The following KIAA0319 variants were observed in gnomAD, a reference collection of about 807,000 sequenced individuals.
The protein encoded by KIAA0319 is dyslexia-associated protein KIAA0319.
A neutral mutation model predicts 108.4 loss-of-function variants in KIAA0319; 83 were observed. The observed-to-expected ratio is 0.77, with a 90% CI of 0.64 to 0.92. The LOEUF is 0.92. Among genes scored for constraint, KIAA0319 ranks in the 40% least tolerant of loss-of-function variants. The pLI, the probability that KIAA0319 is intolerant of heterozygous loss-of-function variation, is 0.00. For missense variants in KIAA0319, 1,195 were observed against 1,322.4 expected, an observed-to-expected ratio of 0.90 and a Z score of 1.49; for synonymous variants, 484 against 510.4, an observed-to-expected ratio of 0.95 and a Z score of 0.70.
At chr6:24,577,626 T>G (rs1765733011) in intron 9 of KIAA0319, among the ~76,000 whole-genome samples, 1 of 152,200 alleles carries the variant, frequency 6.6e-6, no homozygotes, top group Non-Finnish European at 1.5e-5. Context: ...AGGCCTTCCT[T>G]GCAGGGAAAA....
intron 3 of KIAA0319, among the ~76,000 whole-genome samples, chr6:24,594,642 C>CA (rs1554164544): frequency 0.024 from 1,324 of 54,394 alleles, 18 homozygotes; most frequent in Admixed American, 0.037. Context: ...AAAAAAACAA[C>CA]AAAAAAAAAA....
At chr6:24,609,347 G>A (rs140907614) in intron 1 of KIAA0319, among the ~76,000 whole-genome samples, 4,592 of 151,078 alleles carry the variant, frequency 0.03, 96 homozygotes, top group Middle Eastern at 0.056. Flanking sequence ...GGGAGCCCGA[G>A]GCAGGCAGAT....
At chr6:24,553,779 G>A (rs144193608) in intron 19 of KIAA0319, among the ~76,000 whole-genome samples, 89 of 152,278 alleles carry the variant, frequency 5.8e-4, no homozygotes, top group African/African-American at 2.0e-3. Context: ...GACCCAAGAC[G>A]ACAGGGTTCA....
intron 1 of KIAA0319, among the ~76,000 whole-genome samples, chr6:24,603,750 C>T (rs1458084534): frequency 6.6e-6 from 1 of 152,184 alleles, no homozygotes; most frequent in Non-Finnish European, 1.5e-5. Flanking sequence ...CCAGAAAGGA[C>T]AAGGAGCCTG....
intron 20 of KIAA0319, among the ~76,000 whole-genome samples, chr6:24,548,858 T>G (rs1277656596): frequency 2.0e-5 from 3 of 152,102 alleles, no homozygotes; most frequent in Non-Finnish European, 4.4e-5. Context: ...TCTGAGACAT[T>G]AATAAAACCA....
chr6:24,587,995 A>G (rs1271746058), intron 4 of KIAA0319, among the ~76,000 whole-genome samples: 2 of 152,232 alleles, frequency 1.3e-5, no homozygotes, highest in Non-Finnish European at 2.9e-5. Context: ...CACAAAATAC[A>G]TGATCTTTCC....
intron 2 of KIAA0319, chr6:24,597,917 C>CGAAAAAAAAAAA (rs1769918231): frequency 3.1e-5 from 1 of 32,434 alleles, no homozygotes; most frequent in Middle Eastern, 0.025. Context: ...GACCCTATCT[C>CGAAAAAAAAAAA]AAAAAAAAAA....
At chr6:24,616,482 C>T (rs1325455049) in intron 1 of KIAA0319, among the ~76,000 whole-genome samples, 3 of 152,144 alleles carry the variant, frequency 2.0e-5, no homozygotes, top group Non-Finnish European at 2.9e-5. Context: ...CTCAGCCTCC[C>T]GAGTGGCTGG....
chr6:24,630,114 G>A (rs1475680107), intron 1 of KIAA0319, among the ~76,000 whole-genome samples: 3 of 152,074 alleles, frequency 2.0e-5, no homozygotes, highest in African/African-American at 4.8e-5. Flanking sequence ...GGGAGGTGGA[G>A]GTTGCCGTGA....
At chr6:24,592,782 G>A (rs1768714376) in intron 3 of KIAA0319, among the ~76,000 whole-genome samples, 1 of 152,028 alleles carries the variant, frequency 6.6e-6, no homozygotes, top group South Asian at 2.1e-4. Context: ...ACCAACCTGG[G>A]CAACATAGCG....
At chr6:24,579,412 G>GATAGATATATATATATATATAT (rs1554157110) in intron 8 of KIAA0319, among the ~76,000 whole-genome samples, 4 of 127,254 alleles carry the variant, frequency 3.1e-5, no homozygotes, top group African/African-American at 1.3e-4. Flanking sequence ...TCTATATAAA[G>GATAGATATATATATATATATAT]ATATATATAT....
rs1315342950 is a variant in KIAA0319, at chr6:24,645,734, AC to A, written c.-106+1del. ...AGGCGCTCTGGGAAGTAGATACCGT[AC>A]CTGTGGTCACTGCTGGCGACACTGA... On this transcript the variant is annotated splice_donor_variant, in intron 1 of 20. Transcript: ENST00000378214. LOFTEE classifies it low-confidence loss of function (5UTR_SPLICE). The A allele has an allele frequency of 1.3e-5, 2 of 152,190 alleles. No individual in the cohort carries two copies. Among genetic ancestry groups the A allele is most frequent in the African/African-American group, 4.8e-5 (2 of 41,282 alleles). The allele number at this position is 152,190 out of a possible 1,614,324, so 9.4% of individuals were successfully genotyped here.
rs1770285603 is a variant in KIAA0319 at position 24,599,496 on chromosome 6, C to A, written c.55+1553G>T. 1.8e-6 allele frequency: 1 copy of A among 565,260 alleles called. No individual in the cohort carries two copies. The highest frequency in any genetic ancestry group is 2.0e-5 in the Admixed American group (1 of 50,650). 35.0% of individuals were successfully genotyped at this position (565,260 alleles called of 1,614,324 possible). A position where few individuals can be genotyped will look rare whatever the true frequency, so the allele number is the denominator to read the frequency against. On this transcript the variant is annotated intron_variant, in intron 2 of 20. Coordinates refer to ENST00000378214, the MANE Select transcript of KIAA0319 (RefSeq NM_014809.4). This position sits in a 1 kb window ranked among gnomAD's most constrained non-coding sequence, Gnocchi z 4.1. ...GTACCAGGAGCTGATGATCATCAAG[C>A]CAACCCTGGACATCGAGATTGTCAC...
chr6:24,581,779 A>T (rs546254756), intron 6 of KIAA0319, among the ~76,000 whole-genome samples: 2 of 152,356 alleles, frequency 1.3e-5, no homozygotes, highest in East Asian at 3.9e-4. Context: ...AAAGCCTCTT[A>T]ACCATCTGCC....
At chr6:24,567,088 G>T (rs1378032705) in intron 13 of KIAA0319, among the ~76,000 whole-genome samples, 1 of 151,930 alleles carries the variant, frequency 6.6e-6, no homozygotes, top group Non-Finnish European at 1.5e-5. Context: ...GCAATATTTT[G>T]GTTTACAATA....
chr6:24,608,260 T>TA (rs1220786947), intron 1 of KIAA0319, among the ~76,000 whole-genome samples: 2 of 151,974 alleles, frequency 1.3e-5, no homozygotes, highest in Non-Finnish European at 2.9e-5. Context: ...AAAAAAACCT[T>TA]AAATAGATGG....
chr6:24,607,358 A>AAAAAAAAAAAAAAGAAAAG, intron 1 of KIAA0319, among the ~76,000 whole-genome samples: 1 of 149,898 alleles, frequency 6.7e-6, no homozygotes. Flanking sequence ...CTCCATCTCA[A>AAAAAAAAAAAAAAGAAAAG]AAAAAGAAAA....
rs1766965464 is a variant in KIAA0319 at position 24,583,587 on chromosome 6, G to A, written c.1093+17C>T. 1.3e-6 allele frequency: 2 copies of A among 1,562,112 alleles called. No homozygotes were observed. The highest frequency in any genetic ancestry group is 1.4e-5 in the African/African-American group (1 of 73,826). ...ACCCCAGTTCCTAGTGGTCAGGGAG[G>A]AAGGTTAAACTCTCACCTACAGGTG... On this transcript the variant is annotated intron_variant, in intron 5 of 20. Transcript: ENST00000378214.
intron 4 of KIAA0319, among the ~76,000 whole-genome samples, chr6:24,586,319 T>G (rs1582080697): frequency 1.3e-5 from 2 of 152,306 alleles, no homozygotes; most frequent in East Asian, 3.9e-4. Flanking sequence ...TTTTGTTTGT[T>G]TGTTTGTTTG....
Sources: allele counts gnomAD v4.1 joint callset (sites outside exome capture counted in the v4.1 genomes callset), GRCh38; gene constraint gnomAD v4.1.1; non-coding constraint Gnocchi (gnomAD v3.1); transcripts MANE v1.5; gene names NCBI Gene and HGNC (gene_info 2026-07-23, HGNC 2026-07-21).